CELF2: variants seen among roughly 807,000 people sequenced by gnomAD.
CELF2 encodes CUG triplet repeat RNA-binding protein 2.
CELF2 carries 8 observed loss-of-function variants against 62.6 expected under a neutral mutation model. The ratio of observed to expected loss-of-function variants is 0.13; its 90% CI spans 0.07 to 0.23. The LOEUF (loss-of-function observed/expected upper bound fraction) is 0.23, where lower values mean the gene tolerates loss of function less well. CELF2 is among the 10% of genes least tolerant of loss of function. The pLI is 1.00. For missense variants in CELF2, 333 were observed against 671.0 expected (o/e 0.50, Z 5.56); for synonymous variants, 258 against 250.0 (o/e 1.03, Z -0.30).
At chr10:10,872,668 C>A (rs1323422239) in intron 1 of CELF2, among the ~76,000 whole-genome samples, 10 of 150,028 alleles carry the variant, frequency 6.7e-5, no homozygotes, top group East Asian at 2.0e-4. Flanking sequence ...ACAACAACAA[C>A]AACAACAAAA....
chr10:10,724,193 A>G, the CELF2 span, among the ~76,000 whole-genome samples: 1 of 152,220 alleles, frequency 6.6e-6, no homozygotes, highest in East Asian at 1.9e-4. Flanking sequence ...ACTTTTTTAC[A>G]TTAACCATGT....
intron 2 of CELF2, among the ~76,000 whole-genome samples, chr10:10,930,696 A>G (rs2065969336): frequency 1.3e-5 from 2 of 152,138 alleles, no homozygotes; most frequent in South Asian, 4.1e-4. Context: ...AGAATTCCTC[A>G]TTTGCTATGT....
chr10:11,108,896 T>A (rs1254638813), intron 1 of CELF2, among the ~76,000 whole-genome samples: 1 of 152,242 alleles, frequency 6.6e-6, no homozygotes, highest in Non-Finnish European at 1.5e-5. Flanking sequence ...GTTTCTTGTC[T>A]TTTTTGTTAA....
the CELF2 span, among the ~76,000 whole-genome samples, chr10:10,464,979 G>T: frequency 6.6e-6 from 1 of 152,078 alleles, no homozygotes; most frequent in Non-Finnish European, 1.5e-5. Flanking sequence ...CTTAACAATA[G>T]TTCTGCATTT....
chr10:11,116,311 C>T (rs1462657277), intron 1 of CELF2, among the ~76,000 whole-genome samples: 6 of 152,164 alleles, frequency 3.9e-5, no homozygotes, highest in Non-Finnish European at 7.3e-5. Flanking sequence ...AACCTAATCA[C>T]CAGAGATGCC....
At position 11,302,399 on chromosome 10, in the gene CELF2, C is replaced by T. The variant is rs146128901; in HGVS notation, c.977-11740C>T. Among the ~76,000 whole-genome samples, 1 of 152,188 alleles carries T rather than the reference C, an allele frequency of 6.6e-6. No homozygotes were observed. The highest frequency in any genetic ancestry group is 1.5e-5 in the Non-Finnish European group (1 of 68,036). The stretch of plus-strand genomic sequence containing the variant: ...CCCACAACCAGAGCGTCTGACTCAG[C>T]GGGAGTGAGGGGAGCCCCAGGTGGT... On this transcript the variant is annotated intron_variant, in intron 9 of 12. Coordinates refer to ENST00000633077, the MANE Select transcript of CELF2 (RefSeq NM_001326342.2). The surrounding 1 kb of genome is among the most constrained non-coding windows in gnomAD (Gnocchi z 5.0).
At chr10:10,514,991 T>A in the CELF2 span, among the ~76,000 whole-genome samples, 1 of 152,188 alleles carries the variant, frequency 6.6e-6, no homozygotes, top group Non-Finnish European at 1.5e-5. Context: ...TTATGACAAG[T>A]AAGGAGTTAT....
At chr10:10,838,759 C>G in intron 1 of CELF2, among the ~76,000 whole-genome samples, 1 of 152,070 alleles carries the variant, frequency 6.6e-6, no homozygotes, top group East Asian at 1.9e-4. Context: ...CTTACCTGCT[C>G]AAAAACAAGA....
At chr10:10,729,842 C>A in the CELF2 span, among the ~76,000 whole-genome samples, 2 of 151,818 alleles carry the variant, frequency 1.3e-5, no homozygotes, top group Non-Finnish European at 2.9e-5. Flanking sequence ...ACTTGTACAA[C>A]AAAATTATCG....
intron 2 of CELF2, among the ~76,000 whole-genome samples, chr10:10,984,934 CAGTAA>C (rs914440300): frequency 1.8e-4 from 28 of 152,024 alleles, no homozygotes; most frequent in African/African-American, 6.3e-4. Flanking sequence ...GGGACCAGGG[CAGTAA>C]AGAAGAGAAA....
At chr10:11,064,008 C>CT (rs1208174961) in intron 1 of CELF2, among the ~76,000 whole-genome samples, 3 of 152,162 alleles carry the variant, frequency 2.0e-5, no homozygotes, top group Non-Finnish European at 4.4e-5. Flanking sequence ...CTACAGGAAA[C>CT]TAATTCCTGA....
At position 11,165,496 on chromosome 10, in the gene CELF2, G is replaced by A. The variant is rs2066822568; in HGVS notation, c.85G>A (p.Ala29Thr). The change falls in exon 2 of 13, where the codon GCC (alanine) becomes ACC (threonine). Residue 29 changes from alanine to threonine, a missense_variant. Physicochemically the swap from Ala to Thr is moderately conservative, Grantham distance 58 (BLOSUM62 0). Around this residue, in one of 3 missense-constraint regions of CELF2, gnomAD observed 45 missense variants for 39.8 expected, o/e 1.13. Coordinates refer to ENST00000633077, the MANE Select transcript of CELF2 (RefSeq NM_001326342.2). The surrounding 1 kb of genome is among the most constrained non-coding windows in gnomAD (Gnocchi z 7.4). Reference sequence around the variant, plus strand: ...TTCCGTTTTTGACAGTAACGGCACAGCCAACAAGATGAACGGAGCTTTGGA... The same window carrying A: ...TTCCGTTTTTGACAGTAACGGCACAACCAACAAGATGAACGGAGCTTTGGA... The part of the protein sequence containing the change: ...LLVPDRINGT[A>T]NKMNGALDHS... 5.0e-6 allele frequency: 8 copies of A among 1,613,708 alleles called. No homozygotes were observed. Among genetic ancestry groups the A allele is most frequent in the Non-Finnish European group, 5.9e-6 (7 of 1,179,826 alleles).
chr10:10,885,238 G>A (rs551853265), intron 1 of CELF2, among the ~76,000 whole-genome samples: 3 of 150,864 alleles, frequency 2.0e-5, no homozygotes, highest in African/African-American at 7.3e-5. Flanking sequence ...GTGAGACACT[G>A]TCTCAAAAAA....
intron 2 of CELF2, among the ~76,000 whole-genome samples, chr10:10,933,297 T>C (rs1442702558): frequency 1.4e-4 from 21 of 152,234 alleles, no homozygotes; most frequent in Non-Finnish European, 2.5e-4. Flanking sequence ...ACTGAGACCA[T>C]ATATAAAAAA....
intron 1 of CELF2, among the ~76,000 whole-genome samples, chr10:10,828,000 TAAAAAAAAA>T (rs66721705): frequency 6.6e-5 from 4 of 60,712 alleles, no homozygotes; most frequent in South Asian, 1.5e-3. Context: ...AGGCTAGTCT[TAAAAAAAAA>T]AAAAAAAAAA....
intron 2 of CELF2, among the ~76,000 whole-genome samples, chr10:10,927,825 C>T (rs2065682885): frequency 6.6e-6 from 1 of 152,104 alleles, no homozygotes; most frequent in Non-Finnish European, 1.5e-5. Context: ...TTGGTCCTTC[C>T]CACTTCCTCT....
Position 11,011,819 on chromosome 10 carries a change from AG to A in CELF2, c.53+6380del, listed in dbSNP as rs2056516401. Among the ~76,000 whole-genome samples the A allele has an allele frequency of 6.6e-6, 1 of 152,224 alleles. No homozygotes were observed. The highest frequency in any genetic ancestry group is 2.4e-5 in the African/African-American group (1 of 41,460). On this transcript the variant is annotated intron_variant, in intron 1 of 12. Coordinates refer to the CELF2 transcript ENST00000416382. The surrounding 1 kb of genome is among the most constrained non-coding windows in gnomAD (Gnocchi z 4.6). ...GCATCAAAAGCAAAGTTAAATAAAA[AG>A]TCATTTGGGATTTTCAAAAGCCTCT... is the stretch of plus-strand genomic sequence containing the variant.
intron 2 of CELF2, among the ~76,000 whole-genome samples, chr10:11,184,618 C>T (rs922739000): frequency 2.1e-4 from 32 of 152,260 alleles, no homozygotes; most frequent in African/African-American, 7.5e-4. Flanking sequence ...CTTGCATATC[C>T]CTAGTCAGAT....
At chr10:11,149,111 C>A (rs1246655554) in intron 1 of CELF2, among the ~76,000 whole-genome samples, 3 of 152,150 alleles carry the variant, frequency 2.0e-5, no homozygotes, top group African/African-American at 7.2e-5. Flanking sequence ...CCTTCTGTCA[C>A]CCAGGCTGGA....
Sources: allele counts gnomAD v4.1 joint callset (sites outside exome capture counted in the v4.1 genomes callset), GRCh38; gene constraint gnomAD v4.1.1; regional missense constraint gnomAD v4.1.1; non-coding constraint Gnocchi (gnomAD v3.1); transcripts MANE v1.5; gene names NCBI Gene and HGNC (gene_info 2026-07-23, HGNC 2026-07-21).